The following COL11A1 variants were observed in gnomAD, a reference collection of about 807,000 sequenced individuals.
The protein encoded by COL11A1 is collagen type XI alpha 1 chain.
COL11A1 carries 74 observed loss-of-function variants against 265.2 expected under a neutral mutation model. The observed-to-expected ratio is 0.28, with a 90% CI of 0.23 to 0.34. COL11A1 has a LOEUF of 0.34. Among genes scored for constraint, COL11A1 ranks in the 10% least tolerant of loss-of-function variants. The probability of loss-of-function intolerance (pLI) is 1.00; values close to 1 mark genes in which losing one functional copy is unlikely to be tolerated. For missense variants in COL11A1, 2,165 were observed against 2,263.6 expected (o/e 0.96, Z 0.88); for synonymous variants, 816 against 727.6 (o/e 1.12, Z -1.96).
intron 1 of COL11A1, among the ~76,000 whole-genome samples, chr1:103,086,045 C>T (rs1038811474): frequency 3.9e-5 from 6 of 152,032 alleles, no homozygotes; most frequent in Non-Finnish European, 8.8e-5. Flanking sequence ...AAAATAAAAA[C>T]TCTGCAAAAA....
intron 20 of COL11A1, among the ~76,000 whole-genome samples, chr1:103,003,839 TC>T (rs1261236377): frequency 6.6e-6 from 1 of 152,170 alleles, no homozygotes; most frequent in African/African-American, 2.4e-5. Flanking sequence ...CACCTTCTTT[TC>T]CTTCTTTAGA....
At chr1:103,025,940 T>G (rs1281435457) in intron 6 of COL11A1, 1 of 1,612,142 alleles carries the variant, frequency 6.2e-7, no homozygotes, top group South Asian at 1.1e-5. Context: ...TTTTTGAAAT[T>G]GGATTTCTTT....
Position 102,898,678 on chromosome 1 carries a change from G to T in COL11A1, c.4236C>A (p.Ile1412=). ...GKPGPEGLRG[I]PGPVGEQGLP... ...CACAGATGCTCACCACAGGACCAGG[G>T]ATGCCCCGAAGACCTTCTGGACCAG... The change falls in exon 56 of 67, where the codon ATC becomes ATA. Residue 1412 remains isoleucine, a synonymous_variant. Transcript: ENST00000370096. The T allele has an allele frequency of 6.2e-7, 1 of 1,612,128 alleles. No homozygotes were observed. Among genetic ancestry groups the T allele is most frequent in the Non-Finnish European group, 8.5e-7 (1 of 1,178,862 alleles).
At chr1:103,039,803 G>GA (rs897994420) in intron 4 of COL11A1, among the ~76,000 whole-genome samples, 53 of 150,396 alleles carry the variant, frequency 3.5e-4, no homozygotes, top group African/African-American at 1.1e-3. Flanking sequence ...CATTTCAATT[G>GA]AAAAAAAATA....
chr1:103,092,960 A>G (rs564703526), intron 1 of COL11A1, among the ~76,000 whole-genome samples: 1 of 152,150 alleles, frequency 6.6e-6, no homozygotes, highest in African/African-American at 2.4e-5. Context: ...CATAAGGATC[A>G]TTGTTCCAAA....
chr1:102,879,604 A>G, intron 66 of COL11A1, 79 bp downstream of exon 66: 1 of 1,274,218 alleles, frequency 7.8e-7, no homozygotes, highest in Non-Finnish European at 1.1e-6. Context: ...CATGAGAAAA[A>G]TCTGGCTAAG....
chr1:102,969,070 C>T (rs959512317), intron 37 of COL11A1, among the ~76,000 whole-genome samples: 6 of 152,158 alleles, frequency 3.9e-5, no homozygotes, highest in Admixed American at 2.6e-4. Context: ...TATTTCTGCT[C>T]CTCATACAGA....
intron 46 of COL11A1, among the ~76,000 whole-genome samples, chr1:102,932,284 C>A (rs1402255388): frequency 6.6e-6 from 1 of 151,606 alleles, no homozygotes; most frequent in South Asian, 2.1e-4. Flanking sequence ...TTAGGGCAGG[C>A]CTGGTGGTGA....
At chr1:102,881,122 A>G (rs988998494) in intron 65 of COL11A1, among the ~76,000 whole-genome samples, 1 of 152,120 alleles carries the variant, frequency 6.6e-6, no homozygotes, top group African/African-American at 2.4e-5. Flanking sequence ...TTTAAATTCA[A>G]TAACTTCTAA....
chr1:102,904,093 G>A (rs1248403860), intron 54 of COL11A1, among the ~76,000 whole-genome samples: 1 of 152,004 alleles, frequency 6.6e-6, no homozygotes, highest in Non-Finnish European at 1.5e-5. Context: ...CTACTCCTGA[G>A]CTCAAGTGAT....
intron 4 of COL11A1, among the ~76,000 whole-genome samples, chr1:103,055,898 G>A (rs10782920): frequency 0.94 from 142,531 of 152,204 alleles, 66,969 homozygotes; most frequent in East Asian, 1. Flanking sequence ...ATGACTGTGT[G>A]AGCCCGCTAC....
At chr1:103,022,572 G>A (rs1176826058) in intron 8 of COL11A1, among the ~76,000 whole-genome samples, 170 bp downstream of exon 8, 1 of 152,176 alleles carries the variant, frequency 6.6e-6, no homozygotes, top group Non-Finnish European at 1.5e-5. Flanking sequence ...AACTGCTGAA[G>A]ATTCCCATGT....
chr1:103,102,558 T>A (rs1558058674), intron 1 of COL11A1, among the ~76,000 whole-genome samples: 1 of 151,986 alleles, frequency 6.6e-6, no homozygotes, highest in Non-Finnish European at 1.5e-5. Flanking sequence ...CAACGCTCAG[T>A]CCCCACTTGC....
At chr1:102,983,090 C>T (rs916567126) in intron 31 of COL11A1, among the ~76,000 whole-genome samples, 3 of 152,082 alleles carry the variant, frequency 2.0e-5, no homozygotes, top group Non-Finnish European at 4.4e-5. Context: ...ATTCACTTAA[C>T]AGGCTTAACT....
rs1170912156 is a variant in COL11A1, at chr1:103,095,179, A to T, written c.107-12207T>A. On this transcript the variant is annotated intron_variant, in intron 1 of 66. Coordinates refer to ENST00000370096, the MANE Select transcript of COL11A1 (RefSeq NM_001854.4). ...AATACTGCATAAAATGGAATAACAA[A>T]CTATGGGAATTATTGGATATAGATG... 3.3e-5 allele frequency among the ~76,000 whole-genome samples: 5 copies of T among 152,062 alleles called. No homozygotes were observed. In the East Asian group the frequency reaches 9.6e-4, roughly 29 times the overall value.
intron 46 of COL11A1, among the ~76,000 whole-genome samples, chr1:102,928,431 C>A (rs1656914357): frequency 6.6e-6 from 1 of 151,934 alleles, no homozygotes; most frequent in African/African-American, 2.4e-5. Flanking sequence ...GACATGAACT[C>A]ATCATTTTTT....
chr1:102,913,517 T>C, intron 53 of COL11A1, 120 bp downstream of exon 53: 1 of 927,366 alleles, frequency 1.1e-6, no homozygotes, highest in Admixed American at 2.2e-5. Flanking sequence ...TTGATAATTC[T>C]TTCAAAAAAG....
At chr1:103,038,486 G>A (rs1166151284) in intron 4 of COL11A1, among the ~76,000 whole-genome samples, 1 of 149,220 alleles carries the variant, frequency 6.7e-6, no homozygotes, top group Non-Finnish European at 1.5e-5. Context: ...GAGAGAGAGC[G>A]AGAGAGAGAG....
At chr1:102,962,403 T>G in intron 39 of COL11A1, 138 bp from the exon 40 acceptor site, 1 of 785,410 alleles carries the variant, frequency 1.3e-6, no homozygotes, top group South Asian at 1.6e-5. Context: ...TGGAATGCCA[T>G]ATGCATTAAA....
Sources: allele counts gnomAD v4.1 joint callset (sites outside exome capture counted in the v4.1 genomes callset), GRCh38; gene constraint gnomAD v4.1.1; transcripts MANE v1.5; gene names NCBI Gene and HGNC (gene_info 2026-07-23, HGNC 2026-07-21).